PEX7: variants seen among roughly 807,000 people sequenced by gnomAD.
The protein encoded by PEX7 is peroxisomal biogenesis factor 7, also known as PTS2 receptor.
PEX7 carries 34 observed loss-of-function variants against 47.5 expected under a neutral mutation model. The ratio of observed to expected loss-of-function variants is 0.72; its 90% CI spans 0.54 to 0.95. The LOEUF is 0.95. Ranked by LOEUF, PEX7 falls within the 40% of genes least tolerant of loss-of-function variation. The pLI, the probability that PEX7 is intolerant of heterozygous loss-of-function variation, is 0.00. For synonymous variants in PEX7, 141 were observed against 148.8 expected (o/e 0.95, Z 0.38); for missense variants, 394 against 400.3 (o/e 0.98, Z 0.13).
chr6:136,840,996 C>G (rs1774487029), intron 3 of PEX7, among the ~76,000 whole-genome samples: 1 of 152,180 alleles, frequency 6.6e-6, no homozygotes, highest in Admixed American at 6.5e-5. Flanking sequence ...AAAATTGCAA[C>G]TTGAAATTAT....
chr6:136,887,701 G>T (rs1311953457), intron 8 of PEX7, among the ~76,000 whole-genome samples: 4 of 152,144 alleles, frequency 2.6e-5, no homozygotes, highest in Non-Finnish European at 4.4e-5. Context: ...ATTCTTTGAG[G>T]TTTATTGTGG....
intron 3 of PEX7, among the ~76,000 whole-genome samples, chr6:136,837,501 A>G (rs774846768): frequency 6.6e-5 from 10 of 152,172 alleles, no homozygotes; most frequent in Non-Finnish European, 1.0e-4. Context: ...AAAAAAGTAC[A>G]TATTTCTTTG....
At chr6:136,885,663 G>A (rs1775456268) in intron 8 of PEX7, among the ~76,000 whole-genome samples, 1 of 152,166 alleles carries the variant, frequency 6.6e-6, no homozygotes. Flanking sequence ...AAAAATGAAG[G>A]CTTGGAGACA....
intron 5 of PEX7, among the ~76,000 whole-genome samples, chr6:136,854,985 G>T (rs1226157112): frequency 6.6e-6 from 1 of 152,028 alleles, no homozygotes; most frequent in African/African-American, 2.4e-5. Flanking sequence ...CTACTTGGGA[G>T]GCTGAGGCAG....
At chr6:136,907,933 T>G (rs1775871665) in intron 9 of PEX7, among the ~76,000 whole-genome samples, 1 of 152,190 alleles carries the variant, frequency 6.6e-6, no homozygotes, top group Non-Finnish European at 1.5e-5. Flanking sequence ...ACATATGATT[T>G]GATCCACTAT....
At chr6:136,850,976 T>A (rs1342079781) in intron 5 of PEX7, among the ~76,000 whole-genome samples, 2 of 125,790 alleles carry the variant, frequency 1.6e-5, no homozygotes, top group African/African-American at 3.3e-5. Context: ...TGTCTTTTTT[T>A]TTTATTTTTT....
chr6:136,874,407 C>T (rs1775232028), intron 8 of PEX7, among the ~76,000 whole-genome samples: 1 of 152,152 alleles, frequency 6.6e-6, no homozygotes, highest in South Asian at 2.1e-4. Flanking sequence ...CACAGTGGCT[C>T]ATGCCTGTAT....
intron 8 of PEX7, among the ~76,000 whole-genome samples, chr6:136,878,404 C>T (rs1226979975): frequency 1.3e-5 from 2 of 152,170 alleles, no homozygotes; most frequent in African/African-American, 2.4e-5. Flanking sequence ...GGAATGGTTC[C>T]AGCTCTTGCC....
chr6:136,904,611 G>A (rs1775810219), intron 9 of PEX7, among the ~76,000 whole-genome samples: 1 of 151,822 alleles, frequency 6.6e-6, no homozygotes, highest in African/African-American at 2.4e-5. Flanking sequence ...GGTTCTATAA[G>A]GGGGAGTTTC....
At chr6:136,859,938 C>T (rs543019111) in intron 5 of PEX7, among the ~76,000 whole-genome samples, 2 of 151,628 alleles carry the variant, frequency 1.3e-5, no homozygotes, top group Non-Finnish European at 2.9e-5. Context: ...GCAGGAGAAT[C>T]GCTTGAACCC....
intron 8 of PEX7, among the ~76,000 whole-genome samples, chr6:136,890,257 A>T (rs79507861): frequency 1.3e-5 from 2 of 152,220 alleles, no homozygotes; most frequent in African/African-American, 4.8e-5. Context: ...TATTATTTAC[A>T]GTATGTGTGT....
chr6:136,867,004 A>AT (rs1282723114), intron 6 of PEX7, among the ~76,000 whole-genome samples: 1 of 151,880 alleles, frequency 6.6e-6, no homozygotes, highest in African/African-American at 2.4e-5. Flanking sequence ...GCCTTATGTA[A>AT]TTTTTTTCTT....
At chr6:136,861,043 T>A (rs1281016740) in intron 5 of PEX7, among the ~76,000 whole-genome samples, 1 of 152,228 alleles carries the variant, frequency 6.6e-6, no homozygotes, top group Non-Finnish European at 1.5e-5. Context: ...GTTCTTAATC[T>A]CCTAGTCTGC....
intron 9 of PEX7, among the ~76,000 whole-genome samples, chr6:136,902,854 G>C (rs1775776545): frequency 6.6e-6 from 1 of 151,920 alleles, no homozygotes; most frequent in Admixed American, 6.5e-5. Flanking sequence ...ACATTCTTTT[G>C]GGGGCATAGT....
At chr6:136,840,758 A>G (rs969402751) in intron 3 of PEX7, among the ~76,000 whole-genome samples, 6 of 152,172 alleles carry the variant, frequency 3.9e-5, no homozygotes, top group Non-Finnish European at 8.8e-5. Context: ...CCTCCCAGCT[A>G]TTCAACCTTG....
chr6:136,854,252 A>C (rs1774815831), intron 5 of PEX7, among the ~76,000 whole-genome samples: 1 of 152,102 alleles, frequency 6.6e-6, no homozygotes, highest in Admixed American at 6.6e-5. Context: ...GCTGGAGTGC[A>C]GTGGTACAAT....
intron 5 of PEX7, among the ~76,000 whole-genome samples, chr6:136,847,047 G>A (rs1460458497): frequency 6.6e-6 from 1 of 152,208 alleles, no homozygotes; most frequent in African/African-American, 2.4e-5. Context: ...ACTGGCGTGA[G>A]ATGGTATCTC....
At chr6:136,872,290 C>G in intron 8 of PEX7, 37 bp downstream of exon 8, 2 of 1,531,964 alleles carry the variant, frequency 1.3e-6, no homozygotes, top group Non-Finnish European at 1.8e-6. Flanking sequence ...TGTGAAATAC[C>G]AGGTAACATT....
chr6:136,822,921 G>C (rs942070162), intron 1 of PEX7, 126 bp downstream of exon 1: 2 of 1,210,444 alleles, frequency 1.7e-6, no homozygotes, highest in Middle Eastern at 3.3e-4. Context: ...TCCACGCCAG[G>C]GGGCAGAAGA....
Sources: allele counts gnomAD v4.1 joint callset (sites outside exome capture counted in the v4.1 genomes callset), GRCh38; gene constraint gnomAD v4.1.1; transcripts MANE v1.5; gene names NCBI Gene and HGNC (gene_info 2026-07-23, HGNC 2026-07-21).